The following DNER variants were observed in gnomAD, a reference collection of about 807,000 sequenced individuals.
DNER encodes the protein delta/notch like EGF repeat containing.
In DNER, 33 loss-of-function variants were observed where a neutral mutation model predicts 78.2. That is an observed-to-expected ratio of 0.42 (90% CI 0.32 to 0.56). The LOEUF is 0.56. Ranked by LOEUF, DNER falls within the 20% of genes least tolerant of loss-of-function variation. The probability of loss-of-function intolerance (pLI) is 0.11; values close to 1 mark genes in which losing one functional copy is unlikely to be tolerated. For synonymous variants in DNER, 417 were observed against 384.8 expected (o/e 1.08, Z -0.98); for missense variants, 918 against 975.3 (o/e 0.94, Z 0.78).
chr2:229,604,868 TA>T (rs1256637947), intron 1 of DNER, among the ~76,000 whole-genome samples: 1 of 151,844 alleles, frequency 6.6e-6, no homozygotes, highest in Non-Finnish European at 1.5e-5. Context: ...GGAACAAAAC[TA>T]AAAAGGAAAA....
chr2:229,698,015 A>G (rs1699687762), intron 1 of DNER, among the ~76,000 whole-genome samples: 1 of 152,126 alleles, frequency 6.6e-6, no homozygotes, highest in Non-Finnish European at 1.5e-5. Flanking sequence ...GGCCTGGGCA[A>G]CCTAGAAGGA....
At chr2:229,499,021 A>C (rs975461424) in intron 6 of DNER, among the ~76,000 whole-genome samples, 5 of 152,220 alleles carry the variant, frequency 3.3e-5, no homozygotes, top group Admixed American at 6.5e-5. Context: ...ATACTACAAA[A>C]CTATAGCAAT....
intron 10 of DNER, among the ~76,000 whole-genome samples, chr2:229,403,507 A>C (rs908578048): frequency 6.6e-6 from 1 of 152,312 alleles, no homozygotes; most frequent in East Asian, 1.9e-4. Context: ...TCCTGGGACC[A>C]GTTTTCTGTT....
At chr2:229,609,824 C>T (rs1472310068) in intron 1 of DNER, among the ~76,000 whole-genome samples, 4 of 152,126 alleles carry the variant, frequency 2.6e-5, no homozygotes, top group African/African-American at 9.7e-5. Context: ...ATAAAAATGG[C>T]TAAATAATTG....
At chr2:229,517,039 A>T (rs954950530) in intron 5 of DNER, among the ~76,000 whole-genome samples, 5 of 148,082 alleles carry the variant, frequency 3.4e-5, no homozygotes, top group Non-Finnish European at 7.4e-5. Context: ...TGAACCCAAG[A>T]GGCAGAGGAT....
intron 12 of DNER, among the ~76,000 whole-genome samples, chr2:229,359,946 C>T (rs1467717119): frequency 1.3e-5 from 2 of 152,208 alleles, no homozygotes; most frequent in East Asian, 3.8e-4. Context: ...ACAGCTATTA[C>T]TGCAATATGA....
At chr2:229,458,135 C>CAAAAAA (rs61340733) in intron 7 of DNER, among the ~76,000 whole-genome samples, 328 of 17,704 alleles carry the variant, frequency 0.019, 43 homozygotes, top group African/African-American at 0.029. Flanking sequence ...GACTCTATCT[C>CAAAAAA]AAAAAAAAAA....
At chr2:229,387,678 C>A (rs1692922676) in intron 11 of DNER, among the ~76,000 whole-genome samples, 1 of 152,122 alleles carries the variant, frequency 6.6e-6, no homozygotes, top group African/African-American at 2.4e-5. Flanking sequence ...GGTATAAAAT[C>A]TTGATTAAGA....
intron 4 of DNER, among the ~76,000 whole-genome samples, chr2:229,564,736 T>C (rs1322108495): frequency 6.6e-6 from 1 of 152,156 alleles, no homozygotes; most frequent in Non-Finnish European, 1.5e-5. Context: ...ACCATCATCA[T>C]CATCATCATC....
intron 1 of DNER, among the ~76,000 whole-genome samples, chr2:229,602,229 T>C (rs2154214933): frequency 6.6e-6 from 1 of 152,296 alleles, no homozygotes; most frequent in Middle Eastern, 3.4e-3. Flanking sequence ...AAATTTCCTG[T>C]GAAGATTGTA....
chr2:229,535,649 T>C (rs1696388292), intron 5 of DNER, among the ~76,000 whole-genome samples: 1 of 148,628 alleles, frequency 6.7e-6, no homozygotes, highest in Admixed American at 6.7e-5. Flanking sequence ...GCCAGACTGA[T>C]TTTTTTTTTT....
chr2:229,707,734 G>GGTTAGTGT (rs1699852236), intron 1 of DNER, among the ~76,000 whole-genome samples: 1 of 152,212 alleles, frequency 6.6e-6, no homozygotes. Context: ...ACTGAAGGTA[G>GGTTAGTGT]GTTAGTGTGT....
chr2:229,387,787 C>CT (rs1312925266), intron 11 of DNER, among the ~76,000 whole-genome samples: 3 of 152,058 alleles, frequency 2.0e-5, no homozygotes, highest in Non-Finnish European at 4.4e-5. Context: ...CTTCACTGAA[C>CT]TTTTCTCGAG....
intron 5 of DNER, among the ~76,000 whole-genome samples, chr2:229,527,100 G>A (rs1247346070): frequency 6.6e-6 from 1 of 152,090 alleles, no homozygotes; most frequent in East Asian, 1.9e-4. Flanking sequence ...TCCGAAAGCT[G>A]CATAACTGGG....
chr2:229,405,399 C>T (rs1693358492), intron 10 of DNER, among the ~76,000 whole-genome samples: 1 of 151,942 alleles, frequency 6.6e-6, no homozygotes, highest in Admixed American at 6.6e-5. Context: ...TCTATTTCTG[C>T]AAAATTATAC....
chr2:229,712,156 C>A (rs1180678873), intron 1 of DNER, among the ~76,000 whole-genome samples: 2 of 152,192 alleles, frequency 1.3e-5, no homozygotes, highest in Non-Finnish European at 2.9e-5. Context: ...GGATGGTGTT[C>A]ACACAGCTAA....
intron 1 of DNER, among the ~76,000 whole-genome samples, chr2:229,689,303 G>T (rs1699532203): frequency 6.6e-6 from 1 of 152,186 alleles, no homozygotes; most frequent in African/African-American, 2.4e-5. Context: ...TTCTCCCAAA[G>T]CTGCTGAGCA....
rs192576247 is a variant in DNER, at chr2:229,598,911, A to G, written c.277-7023T>C. On this transcript the variant is annotated intron_variant, in intron 1 of 12. Transcript: ENST00000341772. ...CTCCAGCTTGAAGACTTAAGATTCT[A>G]TTGATAGCCACTAAGCTTGATGGCA... Among the ~76,000 whole-genome samples, 757 of 152,208 alleles carry G rather than the reference A, an allele frequency of 5.0e-3. 2 individuals carry two copies. The highest frequency in any genetic ancestry group is 7.9e-3 in the Non-Finnish European group (539 of 68,024).
chr2:229,694,267 C>G (rs1002451548), intron 1 of DNER, among the ~76,000 whole-genome samples: 1 of 152,208 alleles, frequency 6.6e-6, no homozygotes, highest in East Asian at 1.9e-4. Context: ...GCTGCAGGGG[C>G]AGAGCCCCCA....
Sources: gnomAD v4.1 joint callset for allele counts (sites outside exome capture counted in the v4.1 genomes callset) on GRCh38, gnomAD v4.1.1 for gene constraint, MANE v1.5 for transcripts, NCBI Gene and HGNC (gene_info 2026-07-23, HGNC 2026-07-21) for gene names.